Variants in SLC35F4 observed in about 807,000 individuals in gnomAD.
The protein encoded by SLC35F4 is chromosome 14 open reading frame 36.
Under a neutral mutation model 44.2 loss-of-function variants are expected in SLC35F4, and 24 were observed. That is an observed-to-expected ratio of 0.54 (90% CI 0.39 to 0.76). The LOEUF (loss-of-function observed/expected upper bound fraction) is 0.76, where lower values mean the gene tolerates loss of function less well. Ranked by LOEUF, SLC35F4 falls within the 30% of genes least tolerant of loss-of-function variation. SLC35F4 has a pLI of 0.00. For missense variants in SLC35F4, 562 were observed against 586.1 expected (o/e 0.96, Z 0.42); for synonymous variants, 238 against 223.6 (o/e 1.06, Z -0.57).
intron 1 of SLC35F4, among the ~76,000 whole-genome samples, chr14:57,788,556 C>T (rs1485236708): frequency 6.6e-6 from 1 of 152,126 alleles, no homozygotes; most frequent in Non-Finnish European, 1.5e-5. Context: ...ATTGAAATCA[C>T]ATCAAGCACT....
chr14:57,808,632 T>C (rs1878149701), intron 1 of SLC35F4, among the ~76,000 whole-genome samples: 1 of 149,576 alleles, frequency 6.7e-6, no homozygotes, highest in African/African-American at 2.6e-5. Context: ...ATCCCATTTC[T>C]ATAAAAAATT....
At chr14:57,934,745 T>G (rs894182335) in intron 1 of SLC35F4, among the ~76,000 whole-genome samples, 1 of 152,106 alleles carries the variant, frequency 6.6e-6, no homozygotes, top group East Asian at 1.9e-4. Context: ...AGCAGAGCTT[T>G]TTCTCTTAGC....
At chr14:57,903,755 A>T (rs545068186) in intron 1 of SLC35F4, among the ~76,000 whole-genome samples, 1 of 152,388 alleles carries the variant, frequency 6.6e-6, no homozygotes, top group South Asian at 2.1e-4. Flanking sequence ...ACAAGAAAAA[A>T]TTATGTAAAA....
At chr14:57,937,574 GAGAAAAGAAAAGAAAGAAAAGAAA>G (rs1424748882) in intron 1 of SLC35F4, among the ~76,000 whole-genome samples, 5 of 89,102 alleles carry the variant, frequency 5.6e-5, no homozygotes, top group African/African-American at 1.6e-4. Context: ...GAAAAGAAAA[GAGAAAAGAAAAGAAAGAAAAGAAA>G]AGAAAAGAAA....
intron 1 of SLC35F4, among the ~76,000 whole-genome samples, chr14:57,643,822 G>A (rs1219526243): frequency 2.6e-5 from 4 of 151,800 alleles, no homozygotes; most frequent in African/African-American, 9.7e-5. Context: ...CTGTGTCCAT[G>A]TGTTCTCATT....
chr14:57,887,519 T>C (rs1312033146), intron 1 of SLC35F4, among the ~76,000 whole-genome samples: 2 of 152,156 alleles, frequency 1.3e-5, no homozygotes, highest in African/African-American at 4.8e-5. Context: ...GCCCCCTCAT[T>C]GCCCTCTGAT....
intron 1 of SLC35F4, among the ~76,000 whole-genome samples, chr14:57,880,673 T>G (rs1888515851): frequency 6.6e-6 from 1 of 152,184 alleles, no homozygotes; most frequent in Admixed American, 6.5e-5. Flanking sequence ...TTTAAAGTGT[T>G]GAAGTTTGTA....
At chr14:57,867,001 A>ATAAT (rs1555398889), upstream of SLC35F4, among the ~76,000 whole-genome samples, 1 of 144,384 alleles carries the variant, frequency 6.9e-6, no homozygotes, top group East Asian at 2.1e-4. Context: ...AATAATAATA[A>ATAAT]TTTTCAAAGT....
At chr14:57,624,569 A>G (rs2072373376) in intron 1 of SLC35F4, among the ~76,000 whole-genome samples, 1 of 152,192 alleles carries the variant, frequency 6.6e-6, no homozygotes. Flanking sequence ...AATACTGGAA[A>G]ACCAAATCCA....
In SLC35F4 at chr14:57,650,402, T is replaced by A. The variant is rs577446956; in HGVS notation, c.104-56278A>T. ...CCTCAGACATTTACATCTCAACAAA[T>A]AGCATCACCATCCAACCAGTTAGTA... is the stretch of plus-strand genomic sequence containing the variant. On this transcript the variant is annotated intron_variant, in intron 1 of 7. Transcript: ENST00000556826. 8.5e-5 allele frequency among the ~76,000 whole-genome samples: 13 copies of A among 152,204 alleles called. No individual in the cohort carries two copies. In the South Asian group the frequency reaches 2.7e-3, roughly 32 times the overall value.
chr14:57,865,003 G>T (rs981023987), intron 1 of SLC35F4, among the ~76,000 whole-genome samples: 2 of 152,008 alleles, frequency 1.3e-5, no homozygotes, highest in Admixed American at 1.3e-4. Context: ...CTGGAAGAAA[G>T]CGGTGACCGC....
At chr14:57,800,870 A>G (rs1030958573) in intron 1 of SLC35F4, among the ~76,000 whole-genome samples, 3 of 152,212 alleles carry the variant, frequency 2.0e-5, no homozygotes, top group African/African-American at 4.8e-5. Context: ...GGGATTATGT[A>G]AGGAGACTGA....
At chr14:57,607,864 A>G (rs1391373949) in intron 1 of SLC35F4, among the ~76,000 whole-genome samples, 1 of 152,194 alleles carries the variant, frequency 6.6e-6, no homozygotes, top group African/African-American at 2.4e-5. Context: ...CAGAGATGGA[A>G]TGGATATAAA....
intron 1 of SLC35F4, among the ~76,000 whole-genome samples, chr14:57,896,818 G>T (rs1272378183): frequency 6.6e-6 from 1 of 152,128 alleles, no homozygotes; most frequent in African/African-American, 2.4e-5. Context: ...TGCCTAAAGA[G>T]GTTGACAAGA....
intron 1 of SLC35F4, among the ~76,000 whole-genome samples, chr14:57,979,031 TTGTG>T (rs1881297700): frequency 6.6e-6 from 1 of 152,232 alleles, no homozygotes; most frequent in Non-Finnish European, 1.5e-5. Flanking sequence ...AACTGTCATA[TTGTG>T]AACAGACAAT....
chr14:57,844,158 T>C (rs1157792082), intron 1 of SLC35F4, among the ~76,000 whole-genome samples: 1 of 152,200 alleles, frequency 6.6e-6, no homozygotes, highest in Non-Finnish European at 1.5e-5. Flanking sequence ...CTACTGATCT[T>C]ATTAATGACA....
intron 1 of SLC35F4, among the ~76,000 whole-genome samples, chr14:57,705,053 A>G (rs2075635450): frequency 6.6e-6 from 1 of 152,190 alleles, no homozygotes; most frequent in South Asian, 2.1e-4. Context: ...ATAGTTCTGC[A>G]TTGGCTACTA....
At chr14:57,708,844 G>T (rs1222405920) in intron 1 of SLC35F4, among the ~76,000 whole-genome samples, 1 of 152,048 alleles carries the variant, frequency 6.6e-6, no homozygotes, top group African/African-American at 2.4e-5. Flanking sequence ...GATAGGTAAG[G>T]TCATGTGGGT....
downstream of SLC35F4, among the ~76,000 whole-genome samples, chr14:57,976,264 A>G (rs1881213046): frequency 1.3e-5 from 2 of 152,250 alleles, no homozygotes. Flanking sequence ...GGAAAGGGAA[A>G]TATCTAGGTC....
Sources: gnomAD v4.1 joint callset for allele counts (sites outside exome capture counted in the v4.1 genomes callset) on GRCh38, gnomAD v4.1.1 for gene constraint, MANE v1.5 for transcripts, NCBI Gene and HGNC (gene_info 2026-07-23, HGNC 2026-07-21) for gene names.